The following MARCHF1 variants were observed in gnomAD, a reference collection of about 807,000 sequenced individuals.
MARCHF1 encodes the protein E3 ubiquitin-protein ligase MARCHF1.
Under a neutral mutation model 54.2 loss-of-function variants are expected in MARCHF1, and 40 were observed. That is an observed-to-expected ratio of 0.74 (90% CI 0.57 to 0.96). MARCHF1 has a LOEUF of 0.96. MARCHF1 is among the 40% of genes least tolerant of loss of function. MARCHF1 has a pLI of 0.00. For synonymous variants in MARCHF1, 236 were observed against 236.3 expected (o/e 1.00, Z 0.01); for missense variants, 586 against 656.5 (o/e 0.89, Z 1.17).
intron 1 of MARCHF1, among the ~76,000 whole-genome samples, chr4:164,314,244 G>C (rs988954805): frequency 6.6e-6 from 1 of 152,150 alleles, no homozygotes; most frequent in African/African-American, 2.4e-5. Context: ...CTTTAAGATG[G>C]AGTGTTCGTC....
intron 4 of MARCHF1, among the ~76,000 whole-genome samples, chr4:163,786,025 A>C (rs1253571814): frequency 6.6e-6 from 1 of 151,964 alleles, no homozygotes; most frequent in African/African-American, 2.4e-5. Context: ...GAAGGAAGAA[A>C]TCTGGAGGCA....
rs539490311 is a variant in MARCHF1, at chr4:164,240,354, A to G, written c.-322-128692T>C. On this transcript the variant is annotated intron_variant, in intron 1 of 9. Coordinates refer to ENST00000514618, the MANE Select transcript of MARCHF1 (RefSeq NM_001394959.1). ...GCTTTACTTTGGAATAACCTTAGCC[A>G]TCTTTTAGAGATTGCTTTCTGCAAT... Among the ~76,000 whole-genome samples the G allele has an allele frequency of 1.2e-3, 185 of 152,292 alleles. 1 individual carries two copies. The highest frequency in any genetic ancestry group is 4.3e-3 in the African/African-American group (177 of 41,558).
chr4:163,982,761 TG>T (rs768840864), intron 3 of MARCHF1, among the ~76,000 whole-genome samples: 5 of 152,228 alleles, frequency 3.3e-5, no homozygotes, highest in Non-Finnish European at 7.3e-5. Context: ...GTGGTCCCTT[TG>T]AAGCTCCAAC....
chr4:164,226,251 C>T (rs988385033), intron 1 of MARCHF1, among the ~76,000 whole-genome samples: 3 of 151,812 alleles, frequency 2.0e-5, no homozygotes, highest in Admixed American at 6.6e-5. Context: ...ATAAATGAAG[C>T]AGAAAATAAA....
intron 1 of MARCHF1, among the ~76,000 whole-genome samples, chr4:164,164,590 G>A (rs1202449096): frequency 1.3e-5 from 2 of 151,950 alleles, no homozygotes; most frequent in Admixed American, 6.6e-5. Flanking sequence ...TCACAATTAG[G>A]TGACTGTAAT....
chr4:164,358,302 T>C (rs1303195524), intron 1 of MARCHF1, among the ~76,000 whole-genome samples: 1 of 152,130 alleles, frequency 6.6e-6, no homozygotes, highest in East Asian at 1.9e-4. Context: ...GGGGAAGCCT[T>C]GAACTTGCCA....
intron 1 of MARCHF1, among the ~76,000 whole-genome samples, chr4:164,201,372 AC>A (rs769548691): frequency 2.6e-5 from 4 of 152,090 alleles, no homozygotes; most frequent in Non-Finnish European, 5.9e-5. Context: ...GGCACGTGCC[AC>A]CACACCCAGA....
chr4:163,734,402 A>C (rs1458764768), intron 4 of MARCHF1, among the ~76,000 whole-genome samples: 1 of 152,180 alleles, frequency 6.6e-6, no homozygotes, highest in Admixed American at 6.5e-5. Flanking sequence ...TCTTTCTAAC[A>C]GCAAAATACT....
At chr4:163,915,347 T>C (rs1390547993) in intron 3 of MARCHF1, among the ~76,000 whole-genome samples, 3 of 151,748 alleles carry the variant, frequency 2.0e-5, no homozygotes, top group Non-Finnish European at 4.4e-5. Context: ...ATGAGAAAAA[T>C]GTAAAAACTC....
intron 8 of MARCHF1, among the ~76,000 whole-genome samples, chr4:163,575,595 A>G (rs1372286043): frequency 1.3e-5 from 2 of 151,588 alleles, no homozygotes; most frequent in African/African-American, 4.8e-5. Flanking sequence ...TCCCTCCTCG[A>G]TTTTTGGGGA....
chr4:163,971,820 CTT>C (rs2110840267), intron 3 of MARCHF1, among the ~76,000 whole-genome samples: 1 of 152,300 alleles, frequency 6.6e-6, no homozygotes, highest in South Asian at 2.1e-4. Context: ...GACTCAGTCT[CTT>C]AAGATCTCAT....
intron 3 of MARCHF1, among the ~76,000 whole-genome samples, chr4:163,955,309 G>T (rs1271112505): frequency 7.0e-6 from 1 of 141,882 alleles, no homozygotes; most frequent in African/African-American, 2.7e-5. Flanking sequence ...CTTACAGCAA[G>T]CTCTCTCACA....
At chr4:164,202,984 A>T (rs1731496334) in intron 1 of MARCHF1, among the ~76,000 whole-genome samples, 1 of 151,988 alleles carries the variant, frequency 6.6e-6, no homozygotes, top group Admixed American at 6.6e-5. Context: ...AAGCACAGAG[A>T]AAGGGAGAAA....
intron 5 of MARCHF1, among the ~76,000 whole-genome samples, chr4:163,634,357 A>G (rs1316528064): frequency 1.3e-5 from 2 of 150,206 alleles, no homozygotes; most frequent in Non-Finnish European, 2.9e-5. Context: ...AACCCATCTC[A>G]TGTGCAGAGA....
In MARCHF1 at chr4:163,556,552, AT is replaced by A. The variant is rs35746902; in HGVS notation, c.1192-10810del. On this transcript the variant is annotated intron_variant, in intron 8 of 9. Transcript: ENST00000514618. Reference sequence around the variant, plus strand: ...CATTGTATTTAATGTAATTGAGTTGATTTTTTTTTTTACTCTCGAGAGTCTC... The same window carrying A: ...CATTGTATTTAATGTAATTGAGTTGATTTTTTTTTTACTCTCGAGAGTCTC... Among the ~76,000 whole-genome samples the A allele has an allele frequency of 3.5e-3, 513 of 148,368 alleles. 2 individuals are homozygous for A. Among genetic ancestry groups the A allele is most frequent in the African/African-American group, 0.011 (431 of 40,468 alleles).
chr4:164,053,959 A>C (rs1754427501), intron 2 of MARCHF1, among the ~76,000 whole-genome samples: 1 of 152,156 alleles, frequency 6.6e-6, no homozygotes, highest in Non-Finnish European at 1.5e-5. Flanking sequence ...CTGCACAGCA[A>C]AAGAAACTAC....
At chr4:164,300,903 C>T (rs1734539821) in intron 1 of MARCHF1, among the ~76,000 whole-genome samples, 2 of 151,862 alleles carry the variant, frequency 1.3e-5, no homozygotes, top group Admixed American at 6.6e-5. Flanking sequence ...TTCAGGGTGG[C>T]ACCAAAAAAG....
intron 2 of MARCHF1, among the ~76,000 whole-genome samples, chr4:164,094,452 A>G (rs1431575180): frequency 6.6e-6 from 1 of 152,162 alleles, no homozygotes; most frequent in Non-Finnish European, 1.5e-5. Context: ...AAGTCCGGAG[A>G]GAACAGAGTA....
At chr4:163,665,407 A>C (rs953279791) in intron 5 of MARCHF1, among the ~76,000 whole-genome samples, 1 of 152,138 alleles carries the variant, frequency 6.6e-6, no homozygotes, top group Non-Finnish European at 1.5e-5. Flanking sequence ...TTATGGCAGG[A>C]TGACTTAGAG....
Sources: gnomAD v4.1 joint callset for allele counts (sites outside exome capture counted in the v4.1 genomes callset) on GRCh38, gnomAD v4.1.1 for gene constraint, MANE v1.5 for transcripts, NCBI Gene and HGNC (gene_info 2026-07-23, HGNC 2026-07-21) for gene names.